The following RARB variants were observed in gnomAD, a reference collection of about 807,000 sequenced individuals.
The protein encoded by RARB is retinoic acid receptor beta.
RARB carries 17 observed loss-of-function variants against 51.9 expected under a neutral mutation model. That is an observed-to-expected ratio of 0.33 (90% CI 0.22 to 0.49). The LOEUF (loss-of-function observed/expected upper bound fraction) is 0.49. RARB is among the 20% of genes least tolerant of loss of function. RARB has a pLI of 0.99. For missense variants in RARB, 369 were observed against 550.8 expected (o/e 0.67, Z 3.30); for synonymous variants, 215 against 195.4 (o/e 1.10, Z -0.84).
At chr3:25,407,936 C>G (rs1451579772) in intron 5 of RARB, among the ~76,000 whole-genome samples, 3 of 152,182 alleles carry the variant, frequency 2.0e-5, no homozygotes, top group African/African-American at 7.2e-5. Flanking sequence ...CTCCCAAGAT[C>G]CCTAGCAGGA....
intron 5 of RARB, among the ~76,000 whole-genome samples, chr3:25,588,886 T>G (rs562346874): frequency 6.6e-6 from 1 of 152,270 alleles, no homozygotes; most frequent in East Asian, 1.9e-4. Context: ...GAAGTGACAA[T>G]GCTTTTTGTG....
At chr3:25,001,932 C>T (rs903622512) in intron 2 of RARB, among the ~76,000 whole-genome samples, 40 of 152,014 alleles carry the variant, frequency 2.6e-4, no homozygotes, top group African/African-American at 9.7e-4. Flanking sequence ...AACCCGCCAC[C>T]CCATGTGGCT....
chr3:25,012,925 C>A (rs930473191), intron 2 of RARB, among the ~76,000 whole-genome samples: 2 of 152,092 alleles, frequency 1.3e-5, no homozygotes, highest in African/African-American at 2.4e-5. Context: ...TGACACCAAA[C>A]TTAAGACTCT....
chr3:25,572,894 A>C (rs1262394414), intron 4 of RARB, among the ~76,000 whole-genome samples: 2 of 151,860 alleles, frequency 1.3e-5, no homozygotes, highest in African/African-American at 4.8e-5. Context: ...AACAGCTCCC[A>C]CTCTAACCTG....
chr3:24,904,046 G>A (rs1370744375), intron 2 of RARB, among the ~76,000 whole-genome samples: 3 of 152,150 alleles, frequency 2.0e-5, no homozygotes, highest in African/African-American at 7.2e-5. Flanking sequence ...CCCAAAAGGT[G>A]AAGGAAATGA....
chr3:24,977,003 C>T (rs566339346), intron 2 of RARB, among the ~76,000 whole-genome samples: 26 of 152,098 alleles, frequency 1.7e-4, no homozygotes, highest in Non-Finnish European at 3.2e-4. Flanking sequence ...CCCAGCACCG[C>T]TTATTAAATA....
At chr3:25,149,048 C>T (rs558718168) in intron 4 of RARB, among the ~76,000 whole-genome samples, 8 of 152,272 alleles carry the variant, frequency 5.3e-5, no homozygotes, top group African/African-American at 1.9e-4. Context: ...AACTTCCTAG[C>T]AACATGGCCA....
rs540824503 is a variant in RARB at position 24,908,961 on chromosome 3, T to G, written c.-380+50209T>G. ...ACGGAATCCTATTTTTTCCATGATA[T>G]GTCAATTTGCTGAAGACTTCAGTAG... On this transcript the variant is annotated intron_variant, in intron 2 of 11. Transcript: ENST00000383772. Among the ~76,000 whole-genome samples the G allele has an allele frequency of 5.9e-5, 9 of 152,290 alleles. No individual in the cohort carries two copies. The East Asian group carries it at 1.5e-3, about 26-fold the overall frequency.
intron 2 of RARB, among the ~76,000 whole-genome samples, chr3:24,914,597 G>T (rs1695067379): frequency 6.6e-6 from 1 of 152,070 alleles, no homozygotes; most frequent in African/African-American, 2.4e-5. Context: ...TGTAGTATTT[G>T]CATATAACCT....
intron 5 of RARB, among the ~76,000 whole-genome samples, chr3:25,223,370 T>C (rs189870798): frequency 6.6e-6 from 1 of 152,372 alleles, no homozygotes; most frequent in Admixed American, 6.5e-5. Context: ...AGGAAAAGGC[T>C]TAATGAATAT....
intron 5 of RARB, among the ~76,000 whole-genome samples, chr3:25,248,764 A>T (rs1702632419): frequency 2.0e-5 from 3 of 152,136 alleles, no homozygotes; most frequent in African/African-American, 7.2e-5. Flanking sequence ...TCATTCTGTT[A>T]TCTCCTGGCT....
At chr3:24,867,184 C>G (rs1267416063) in intron 2 of RARB, among the ~76,000 whole-genome samples, 2 of 152,126 alleles carry the variant, frequency 1.3e-5, no homozygotes, top group South Asian at 2.1e-4. Flanking sequence ...TTGTGTTTCT[C>G]TCATCCTCCT....
At chr3:25,195,130 T>G (rs1231829335) in intron 5 of RARB, among the ~76,000 whole-genome samples, 2 of 152,056 alleles carry the variant, frequency 1.3e-5, no homozygotes, top group Admixed American at 6.6e-5. Context: ...GTCTTTATCA[T>G]ACTGCTGAAA....
At chr3:24,952,976 A>G (rs1695931004) in intron 2 of RARB, among the ~76,000 whole-genome samples, 1 of 152,144 alleles carries the variant, frequency 6.6e-6, no homozygotes, top group South Asian at 2.1e-4. Flanking sequence ...AGTATGAAAG[A>G]ATATTTATAT....
At position 25,501,269 on chromosome 3, in the gene RARB, C is replaced by T. The variant is rs1386528275; in HGVS notation, c.394C>T (p.Arg132Ter). Residue 132 changes from arginine to a stop codon, truncating the protein, a stop_gained, in exon 3 of 8, where the codon CGA becomes TGA. Transcript: ENST00000330688. LOFTEE classifies it high-confidence loss of function. Reference protein sequence around the residue: ...NCVINKVTRNRCQYCRLQKCF... With the variant: ...NCVINKVTRN ...TGTTATTAATAAAGTCACCAGGAATCGATGCCAATACTGTCGACTCCAGAA... is the reference window on the plus strand; with the variant it reads ...TGTTATTAATAAAGTCACCAGGAATTGATGCCAATACTGTCGACTCCAGAA... The T allele has an allele frequency of 6.2e-7, 1 of 1,611,524 alleles. No homozygotes were observed. Among genetic ancestry groups the T allele is most frequent in the Non-Finnish European group, 8.5e-7 (1 of 1,179,216 alleles).
chr3:25,497,194 G>T (rs1001671045), intron 2 of RARB, among the ~76,000 whole-genome samples: 2 of 152,110 alleles, frequency 1.3e-5, no homozygotes, highest in African/African-American at 2.4e-5. Context: ...CGAAAACCAG[G>T]TCTTAAGACT....
chr3:25,434,964 C>T (rs2125520727), intron 1 of RARB, among the ~76,000 whole-genome samples: 1 of 152,306 alleles, frequency 6.6e-6, no homozygotes, highest in African/African-American at 2.4e-5. Context: ...CTTTTTCCTT[C>T]TTCCCTTTCT....
chr3:25,447,712 A>G (rs1448714818), intron 1 of RARB, among the ~76,000 whole-genome samples: 2 of 152,170 alleles, frequency 1.3e-5, no homozygotes, highest in Admixed American at 6.5e-5. Flanking sequence ...AGGAAATCCT[A>G]CGAGGAATGA....
intron 5 of RARB, among the ~76,000 whole-genome samples, chr3:25,237,590 T>TATTG (rs1702333662): frequency 6.6e-6 from 1 of 152,178 alleles, no homozygotes; most frequent in African/African-American, 2.4e-5. Context: ...TATTGAGATT[T>TATTG]AGTTATATAT....
Sources: allele counts gnomAD v4.1 joint callset (sites outside exome capture counted in the v4.1 genomes callset), GRCh38; gene constraint gnomAD v4.1.1; transcripts MANE v1.5; gene names NCBI Gene and HGNC (gene_info 2026-07-23, HGNC 2026-07-21).